Variants in CENPW observed in about 807,000 individuals in gnomAD.
CENPW encodes cancer-up-regulated gene 2 protein.
CENPW carries 3 observed loss-of-function variants against 11.1 expected under a neutral mutation model. The ratio of observed to expected loss-of-function variants is 0.27; its 90% CI spans 0.12 to 0.70. CENPW has a LOEUF of 0.70. Among genes scored for constraint, CENPW ranks in the 30% least tolerant of loss-of-function variants. The pLI is 0.77. For synonymous variants in CENPW, 38 were observed against 42.0 expected (o/e 0.91, Z 0.37); for missense variants, 100 against 105.6 (o/e 0.95, Z 0.23).
the CENPW span, among the ~76,000 whole-genome samples, chr6:126,397,337 G>A: frequency 6.6e-6 from 1 of 152,100 alleles, no homozygotes; most frequent in Non-Finnish European, 1.5e-5. Context: ...TGATAGGGAA[G>A]CACTGAATTC....
At chr6:126,387,161 TTTCAC>T in the CENPW span, among the ~76,000 whole-genome samples, 1 of 151,908 alleles carries the variant, frequency 6.6e-6, no homozygotes, top group Non-Finnish European at 1.5e-5. Context: ...CCTTTCTACT[TTTCAC>T]TGAGAACTTG....
the CENPW span, among the ~76,000 whole-genome samples, chr6:126,427,525 C>A: frequency 5.5e-4 from 83 of 152,270 alleles, 1 homozygote; most frequent in East Asian, 0.011. Context: ...GTTATAACTT[C>A]TAGTCTAATT....
the CENPW span, among the ~76,000 whole-genome samples, chr6:126,443,004 T>G: frequency 6.6e-6 from 1 of 151,336 alleles, no homozygotes; most frequent in East Asian, 1.9e-4. Flanking sequence ...AATGTAATTT[T>G]ATGACAATGT....
At chr6:126,414,905 C>G in the CENPW span, among the ~76,000 whole-genome samples, 9 of 151,204 alleles carry the variant, frequency 6.0e-5, no homozygotes, top group Non-Finnish European at 1.0e-4. Flanking sequence ...AAATTAGAAA[C>G]AAAAAAATTA....
At chr6:126,420,267 G>T in the CENPW span, among the ~76,000 whole-genome samples, 1 of 152,088 alleles carries the variant, frequency 6.6e-6, no homozygotes, top group Non-Finnish European at 1.5e-5. Context: ...TGGCCTAAGA[G>T]CTAAGTGGTA....
At chr6:126,406,555 C>T in the CENPW span, among the ~76,000 whole-genome samples, 1 of 152,004 alleles carries the variant, frequency 6.6e-6, no homozygotes, top group Non-Finnish European at 1.5e-5. Context: ...TGTTAGTTCT[C>T]TTTTAAAAGT....
chr6:126,459,164 G>A, the CENPW span, among the ~76,000 whole-genome samples: 246 of 151,182 alleles, frequency 1.6e-3, no homozygotes, highest in African/African-American at 5.6e-3. Flanking sequence ...CAATGCTAAT[G>A]GATTTTTTTA....
At chr6:126,437,326 A>C in the CENPW span, among the ~76,000 whole-genome samples, 3 of 151,950 alleles carry the variant, frequency 2.0e-5, no homozygotes, top group Non-Finnish European at 2.9e-5. Context: ...ATGTTCTTAC[A>C]TAAAACAATC....
chr6:126,470,067 G>C, the CENPW span, among the ~76,000 whole-genome samples: 1 of 152,144 alleles, frequency 6.6e-6, no homozygotes, highest in Non-Finnish European at 1.5e-5. Context: ...TGCAAAAATT[G>C]GTAAAATAAG....
the CENPW span, among the ~76,000 whole-genome samples, chr6:126,451,981 A>AC: frequency 2.0e-5 from 3 of 150,742 alleles, no homozygotes; most frequent in Admixed American, 1.3e-4. Context: ...TAACCAATAG[A>AC]CCCCCCACCC....
the CENPW span, among the ~76,000 whole-genome samples, chr6:126,404,261 G>T: frequency 6.6e-6 from 1 of 152,094 alleles, no homozygotes; most frequent in Admixed American, 6.6e-5. Context: ...TATCCATTCT[G>T]CAGCCCATGG....
At chr6:126,349,204 T>C (rs1236826375), downstream of CENPW, among the ~76,000 whole-genome samples, 1 of 152,122 alleles carries the variant, frequency 6.6e-6, no homozygotes, top group African/African-American at 2.4e-5. Flanking sequence ...GATTTCAACA[T>C]GTAGTTGCAA....
At chr6:126,470,224 G>A in the CENPW span, among the ~76,000 whole-genome samples, 8 of 152,298 alleles carry the variant, frequency 5.3e-5, no homozygotes, top group Non-Finnish European at 7.4e-5. Context: ...GCTCCTCTGC[G>A]CAGCCTTGGA....
the CENPW span, among the ~76,000 whole-genome samples, chr6:126,448,584 G>T: frequency 1.3e-5 from 2 of 150,796 alleles, no homozygotes; most frequent in African/African-American, 4.9e-5. Context: ...ACCAACTTTG[G>T]GTAATATCCA....
the CENPW span, among the ~76,000 whole-genome samples, chr6:126,473,485 G>A: frequency 7.9e-5 from 12 of 152,000 alleles, no homozygotes; most frequent in Admixed American, 1.3e-4. Flanking sequence ...TAATCTCAGC[G>A]CTTTGGGAGG....
the CENPW span, among the ~76,000 whole-genome samples, chr6:126,361,574 C>T: frequency 6.6e-6 from 1 of 152,190 alleles, no homozygotes; most frequent in Non-Finnish European, 1.5e-5. Flanking sequence ...GGATTTCAGG[C>T]GTGAGCCACC....
the CENPW span, among the ~76,000 whole-genome samples, chr6:126,385,134 G>A: frequency 1.3e-5 from 2 of 151,968 alleles, no homozygotes; most frequent in East Asian, 1.9e-4. Context: ...GTTGCAAAGA[G>A]GGAATACTTA....
the CENPW span, among the ~76,000 whole-genome samples, chr6:126,378,495 C>G: frequency 6.6e-6 from 1 of 150,660 alleles, no homozygotes; most frequent in Non-Finnish European, 1.5e-5. Flanking sequence ...ATATTAACTT[C>G]AATCAATGTA....
At chr6:126,451,965 A>T in the CENPW span, among the ~76,000 whole-genome samples, 2 of 151,226 alleles carry the variant, frequency 1.3e-5, no homozygotes, top group South Asian at 4.2e-4. Flanking sequence ...ACTTTCAGAC[A>T]TGAATTAACC....
Sources: allele counts gnomAD v4.1 joint callset (sites outside exome capture counted in the v4.1 genomes callset), GRCh38; gene constraint gnomAD v4.1.1; transcripts MANE v1.5; gene names NCBI Gene and HGNC (gene_info 2026-07-23, HGNC 2026-07-21).